The following NBEA variants were observed in gnomAD, a reference collection of about 807,000 sequenced individuals.
NBEA encodes the protein neurobeachin, also known as lysosomal-trafficking regulator 2.
A neutral mutation model predicts 343.4 loss-of-function variants in NBEA; 44 were observed. The ratio of observed to expected loss-of-function variants is 0.13; its 90% CI spans 0.10 to 0.16. The LOEUF (loss-of-function observed/expected upper bound fraction) is 0.16. NBEA is among the 10% of genes least tolerant of loss of function. The probability of loss-of-function intolerance (pLI) is 1.00; values close to 1 mark genes in which losing one functional copy is unlikely to be tolerated. For synonymous variants in NBEA, 1,175 were observed against 1,238.7 expected, an observed-to-expected ratio of 0.95 and a Z score of 1.08; for missense variants, 2,555 against 3,631.3, an observed-to-expected ratio of 0.70 and a Z score of 7.62.
chr13:35,629,245 G>T (rs2083353292), intron 49 of NBEA, among the ~76,000 whole-genome samples: 1 of 152,132 alleles, frequency 6.6e-6, no homozygotes, highest in Non-Finnish European at 1.5e-5. Context: ...CCAGATATCT[G>T]CCATCTGTCG....
chr13:35,097,379 A>G (rs774507076), intron 10 of NBEA, among the ~76,000 whole-genome samples: 11 of 151,880 alleles, frequency 7.2e-5, no homozygotes, highest in Non-Finnish European at 1.6e-4. Context: ...TAAATAGGTA[A>G]TTTATGGTAT....
At chr13:35,118,508 T>G (rs1366030329) in intron 16 of NBEA, 34 bp downstream of exon 16, 1 of 1,439,328 alleles carries the variant, frequency 6.9e-7, no homozygotes, top group East Asian at 2.5e-5. Flanking sequence ...CTATTAGACT[T>G]TAATGGAGCA....
At chr13:35,284,818 C>T (rs1176459947) in intron 34 of NBEA, among the ~76,000 whole-genome samples, 2 of 152,014 alleles carry the variant, frequency 1.3e-5, no homozygotes, top group Non-Finnish European at 2.9e-5. Context: ...AATAGGAAGA[C>T]AATTTCATGT....
Position 35,156,144 on chromosome 13 carries a change from A to T in NBEA, c.2589A>T (p.Glu863Asp), listed in dbSNP as rs760581252. The T allele has an allele frequency of 6.3e-7, 1 of 1,592,280 alleles. No homozygotes were observed. The highest frequency in any genetic ancestry group is 1.8e-5 in the Admixed American group (1 of 55,490). The part of the protein sequence containing the change: ...KNSTPSAELM[E>D]VRRLFLSDMI... ...CTACACCAAGTGCAGAGCTGATGGA[A>T]GTTCGTCGTTTATTTTTATCTGATA... The change falls in exon 20 of 59, where the codon GAA (glutamate) becomes GAT (aspartate). Residue 863 changes from glutamate (E) to aspartate (D), a missense_variant. Glu to Asp is a conservative substitution (Grantham distance 45, BLOSUM62 2). Transcript: ENST00000379939.
intron 34 of NBEA, among the ~76,000 whole-genome samples, chr13:35,272,692 C>A: frequency 6.6e-6 from 1 of 152,146 alleles, no homozygotes; most frequent in Middle Eastern, 3.4e-3. Flanking sequence ...CAAAAAAAAG[C>A]AGGGGTTGCA....
rs765374613 is a variant in NBEA, at chr13:35,196,309, A to G, written c.5366+7A>G. ...AGTTTCATTCCTTTGACAGGTAGGTACTGAACTTATTATTCACAGGGCTTT... is the reference window on the plus strand; with the variant it reads ...AGTTTCATTCCTTTGACAGGTAGGTGCTGAACTTATTATTCACAGGGCTTT... On this transcript the variant is annotated splice_region_variant and intron_variant, in intron 31 of 58. Transcript: ENST00000379939. 2 of 1,597,106 alleles carry G rather than the reference A, an allele frequency of 1.3e-6. No individual in the cohort carries two copies. Among genetic ancestry groups the G allele is most frequent in the Admixed American group, 3.5e-5 (2 of 57,238 alleles).
chr13:35,358,564 A>T (rs2040625959), intron 38 of NBEA, among the ~76,000 whole-genome samples: 1 of 151,986 alleles, frequency 6.6e-6, no homozygotes, highest in East Asian at 2.0e-4. Flanking sequence ...CTAAAAATAT[A>T]AAAATTAGCT....
At position 35,671,036 on chromosome 13, in the gene NBEA, G is replaced by A. The variant is rs1290570559; in HGVS notation, c.*45G>A. On this transcript the variant is annotated 3_prime_UTR_variant, in exon 59 of 59. Coordinates refer to ENST00000379939, the MANE Select transcript of NBEA (RefSeq NM_001385012.1). ...AGCCAAGTTAAAGCTGAGAGCACAAGTGCTGCATGGAAAGGCAATATCTCT... is the reference window on the plus strand; with the variant it reads ...AGCCAAGTTAAAGCTGAGAGCACAAATGCTGCATGGAAAGGCAATATCTCT... The A allele has an allele frequency of 7.2e-7, 1 of 1,389,248 alleles. No homozygotes were observed. The highest frequency in any genetic ancestry group is 1.0e-6 in the Non-Finnish European group (1 of 1,004,914). The allele number at this position is 1,389,248 out of a possible 1,614,324, so 86.1% of individuals were successfully genotyped here.
Position 35,191,915 on chromosome 13 carries a change from G to A in NBEA, c.4928-3949G>A, listed in dbSNP as rs765896645. 1.7e-4 allele frequency among the ~76,000 whole-genome samples: 26 copies of A among 152,080 alleles called. No homozygotes were observed. The South Asian group carries it at 3.7e-3, about 22-fold the overall frequency. ...AAGGAATGTGATATGTGAAGTCACC[G>A]TGTAAATATCATGTCATTTGCTGAA... On this transcript the variant is annotated intron_variant, in intron 30 of 58. Coordinates refer to ENST00000379939, the MANE Select transcript of NBEA (RefSeq NM_001385012.1).
intron 44 of NBEA, among the ~76,000 whole-genome samples, chr13:35,561,753 A>G (rs2079867880): frequency 6.6e-6 from 1 of 152,126 alleles, no homozygotes. Flanking sequence ...GTACATGTGC[A>G]TAATTGCATA....
intron 18 of NBEA, among the ~76,000 whole-genome samples, chr13:35,148,880 A>G (rs2068599056): frequency 6.6e-6 from 1 of 152,198 alleles, no homozygotes; most frequent in African/African-American, 2.4e-5. Flanking sequence ...GCTGTGTACC[A>G]GTAAAACTGT....
At position 35,159,734 on chromosome 13, in the gene NBEA, C is replaced by T. The variant is rs2069423983; in HGVS notation, c.3563C>T (p.Ala1188Val). ...GTTAGTGATGATCTTGGATTGCTTGCTCACATGACCGGTAGCGTAGACTTA... is the reference window on the plus strand; with the variant it reads ...GTTAGTGATGATCTTGGATTGCTTGTTCACATGACCGGTAGCGTAGACTTA... ...LGVSDDLGLL[A>V]HMTGSVDLTC... Residue 1188 changes from alanine (A) to valine (V), a missense_variant, in exon 22 of 59, where the codon GCT becomes GTT. Ala to Val is a moderately conservative substitution (Grantham distance 64). This residue lies in a region of NBEA where 367 missense variants were observed against 377.5 expected (regional missense o/e 0.97). Transcript: ENST00000379939. 6.2e-7 allele frequency: 1 copy of T among 1,613,122 alleles called. No individual in the cohort carries two copies. Among genetic ancestry groups the T allele is most frequent in the South Asian group, 1.1e-5 (1 of 91,030 alleles).
rs563467566 is a variant in NBEA at position 35,667,670 on chromosome 13, A to G, written c.8661+100A>G. 2.9e-5 allele frequency: 33 copies of G among 1,130,970 alleles called. No homozygotes were observed. In the East Asian group the frequency reaches 7.6e-4, roughly 26 times the overall value. 70.1% of individuals were successfully genotyped at this position (1,130,970 alleles called of 1,614,324 possible). On this transcript the variant is annotated intron_variant, in intron 57 of 58. Coordinates refer to ENST00000379939, the MANE Select transcript of NBEA (RefSeq NM_001385012.1). ...TCATAATAGAATGTCTGTGCTATCC[A>G]GATAAATGTGTTCTAGATTAAAAGT...
chr13:35,269,072 C>G (rs73169714), intron 34 of NBEA, among the ~76,000 whole-genome samples: 3 of 151,860 alleles, frequency 2.0e-5, no homozygotes, highest in Admixed American at 6.6e-5. Context: ...TGGACACATA[C>G]AAATGAAAAA....
At chr13:35,473,913 A>T (rs1175008329) in intron 41 of NBEA, among the ~76,000 whole-genome samples, 5 of 152,120 alleles carry the variant, frequency 3.3e-5, no homozygotes, top group Non-Finnish European at 5.9e-5. Context: ...TACTGTCATG[A>T]TAGACTTTTT....
intron 1 of NBEA, among the ~76,000 whole-genome samples, chr13:34,946,593 T>C (rs930674464): frequency 2.6e-5 from 4 of 151,770 alleles, no homozygotes; most frequent in Non-Finnish European, 5.9e-5. Flanking sequence ...AATAACTGAA[T>C]TCATGAAATT....
At chr13:35,557,967 A>G (rs1263113501) in intron 44 of NBEA, among the ~76,000 whole-genome samples, 2 of 152,194 alleles carry the variant, frequency 1.3e-5, no homozygotes, top group Non-Finnish European at 2.9e-5. Context: ...GAAGAGCCAG[A>G]TTATAAAGAG....
At chr13:35,025,025 T>C (rs73167737) in intron 1 of NBEA, among the ~76,000 whole-genome samples, 2,171 of 152,282 alleles carry the variant, frequency 0.014, 19 homozygotes, top group Middle Eastern at 0.034. Flanking sequence ...GGGTTATTTG[T>C]TTTTTAGTTG....
chr13:35,652,472 C>A (rs2084578077), intron 53 of NBEA, among the ~76,000 whole-genome samples: 1 of 151,250 alleles, frequency 6.6e-6, no homozygotes, highest in Non-Finnish European at 1.5e-5. Flanking sequence ...AACCCCGTCT[C>A]TACTAAAAAT....
Sources: allele counts gnomAD v4.1 joint callset (sites outside exome capture counted in the v4.1 genomes callset), GRCh38; gene constraint gnomAD v4.1.1; regional missense constraint gnomAD v4.1.1; transcripts MANE v1.5; gene names NCBI Gene and HGNC (gene_info 2026-07-23, HGNC 2026-07-21).